GCA: variants seen among roughly 807,000 people sequenced by gnomAD.
GCA encodes grancalcin, EF-hand calcium-binding protein.
A neutral mutation model predicts 32.6 loss-of-function variants in GCA; 30 were observed. The ratio of observed to expected loss-of-function variants is 0.92; its 90% CI spans 0.69 to 1.25. The LOEUF is 1.25. GCA is among the 50% of genes most tolerant of loss of function. The pLI is 0.00. For missense variants in GCA, 291 were observed against 266.8 expected, an observed-to-expected ratio of 1.09 and a Z score of -0.63; for synonymous variants, 102 against 84.6, an observed-to-expected ratio of 1.21 and a Z score of -1.13.
chr2:162,371,859 A>C, downstream of GCA: 1 of 1,611,218 alleles, frequency 6.2e-7, no homozygotes, highest in Non-Finnish European at 8.5e-7. Context: ...GATCAGAAAC[A>C]TGCCTATGAA....
rs1685012280 is a variant in GCA at position 162,351,748 on chromosome 2, A to C, written c.193-590A>C. Among the ~76,000 whole-genome samples the C allele has an allele frequency of 2.6e-5, 4 of 152,328 alleles. No individual in the cohort carries two copies. In the South Asian group the frequency reaches 8.3e-4, roughly 32 times the overall value. On this transcript the variant is annotated intron_variant, in intron 2 of 7. Transcript: ENST00000437150. ...CAAAAACAGGATGAGGTACTAAATCATAATGAGAATACTCAACCTATTTCA... is the reference window on the plus strand; with the variant it reads ...CAAAAACAGGATGAGGTACTAAATCCTAATGAGAATACTCAACCTATTTCA...
downstream of GCA, among the ~76,000 whole-genome samples, chr2:162,374,147 A>G (rs1217838449): frequency 6.6e-6 from 1 of 152,126 alleles, no homozygotes; most frequent in Non-Finnish European, 1.5e-5. Flanking sequence ...CCTCTGTCCT[A>G]TTCATATTAA....
chr2:162,363,412 G>A (rs996039666), downstream of GCA, among the ~76,000 whole-genome samples: 3 of 151,218 alleles, frequency 2.0e-5, no homozygotes, highest in Admixed American at 2.0e-4. Context: ...AATACATAAT[G>A]CTAAAATATC....
At chr2:162,324,262 T>C (rs888664011) in intron 1 of GCA, among the ~76,000 whole-genome samples, 1 of 152,162 alleles carries the variant, frequency 6.6e-6, no homozygotes, top group African/African-American at 2.4e-5. Context: ...CTTGACTTGG[T>C]ATACTGGAAG....
chr2:162,340,378 C>T (rs1190704001), upstream of GCA, among the ~76,000 whole-genome samples: 2 of 152,152 alleles, frequency 1.3e-5, no homozygotes, highest in Non-Finnish European at 2.9e-5. Flanking sequence ...AAGGGCAAAT[C>T]CAAAACACCA....
Position 162,347,622 on chromosome 2 carries a change from G to A in GCA, c.72G>A (p.Gln24=), listed in dbSNP as rs758556537. 1.9e-6 allele frequency: 3 copies of A among 1,609,988 alleles called. No individual in the cohort carries two copies. The highest frequency in any genetic ancestry group is 1.7e-4 in the Middle Eastern group (1 of 6,038). The change falls in exon 2 of 8, where the codon CAG becomes CAA. Residue 24 remains glutamine, a synonymous_variant. Transcript: ENST00000437150. The part of the protein sequence containing the change: ...SIQVPGMQMG[Q]PVPETGPAIL... The stretch of plus-strand genomic sequence containing the variant: ...AGGTGCCAGGAATGCAGATGGGACA[G>A]CCAGTGCCAGAAACAGGCCCAGCTA...
At position 162,361,550 on chromosome 2, in the gene GCA, C is replaced by A. The variant is rs2105357714; in HGVS notation, c.*1307C>A. On this transcript the variant is annotated 3_prime_UTR_variant, in exon 8 of 8. Transcript: ENST00000437150. ...GGAGGATAGATGGCAATATCTTGAACAAAATCTTTTATAAACTTACAGAAT... is the reference window on the plus strand; with the variant it reads ...GGAGGATAGATGGCAATATCTTGAAAAAAATCTTTTATAAACTTACAGAAT... 1 of 981,702 alleles carries A rather than the reference C, an allele frequency of 1.0e-6. No homozygotes were observed. The highest frequency in any genetic ancestry group is 5.3e-4 in the Middle Eastern group (1 of 1,902). 60.8% of individuals were successfully genotyped at this position (981,702 alleles called of 1,614,324 possible).
At chr2:162,368,437 T>C (rs1685826312) in intron 4 of GCA, among the ~76,000 whole-genome samples, 1 of 151,934 alleles carries the variant, frequency 6.6e-6, no homozygotes, top group Admixed American at 6.6e-5. Context: ...ATCATGAAAG[T>C]CATTTAGAGG....
downstream of GCA, among the ~76,000 whole-genome samples, chr2:162,366,111 T>C (rs1428951955): frequency 8.6e-5 from 13 of 151,708 alleles, no homozygotes; most frequent in Admixed American, 8.6e-4. Context: ...TACCAAATTA[T>C]TTTACATCTT....
chr2:162,346,224 AC>A (rs145835004), intron 1 of GCA, among the ~76,000 whole-genome samples: 3,344 of 152,348 alleles, frequency 0.022, 126 homozygotes, highest in African/African-American at 0.076. Context: ...TAATAAAAAA[AC>A]ATTTTAAGCA....
intron 2 of GCA, among the ~76,000 whole-genome samples, chr2:162,348,886 T>C (rs1684845286): frequency 6.6e-6 from 1 of 152,102 alleles, no homozygotes; most frequent in African/African-American, 2.4e-5. Context: ...TGAGTAAATA[T>C]TCAAGATCGG....
chr2:162,367,542 A>G (rs936835426), downstream of GCA, among the ~76,000 whole-genome samples: 2 of 151,954 alleles, frequency 1.3e-5, no homozygotes, highest in Admixed American at 6.6e-5. Context: ...ATATGTTTAT[A>G]ACAAGGAGAT....
intron 2 of GCA, among the ~76,000 whole-genome samples, chr2:162,349,013 G>A (rs146909367): frequency 0.022 from 3,325 of 151,354 alleles, 126 homozygotes; most frequent in African/African-American, 0.076. Flanking sequence ...GGCACTTGCT[G>A]CAATGATTCT....
intron 5 of GCA, 80 bp from the exon 6 acceptor site, chr2:162,358,964 T>C (rs1056755149): frequency 3.1e-6 from 2 of 642,162 alleles, no homozygotes; most frequent in Non-Finnish European, 5.4e-6. Context: ...TGAAAGTTAT[T>C]TTATGACTTA....
At chr2:162,334,277 C>A (rs1293575414) in intron 1 of GCA, among the ~76,000 whole-genome samples, 1 of 150,226 alleles carries the variant, frequency 6.7e-6, no homozygotes, top group Non-Finnish European at 1.5e-5. Context: ...TTTTTTTTTG[C>A]TGGTTAACAG....
intron 1 of GCA, among the ~76,000 whole-genome samples, chr2:162,320,390 C>T (rs921240222): frequency 6.6e-6 from 1 of 152,190 alleles, no homozygotes; most frequent in East Asian, 1.9e-4. Flanking sequence ...ATACTCCTAT[C>T]CCCCAGCTGC....
chr2:162,374,774 C>T (rs1440322300), downstream of GCA, among the ~76,000 whole-genome samples: 1 of 151,896 alleles, frequency 6.6e-6, no homozygotes, highest in Admixed American at 6.6e-5. Context: ...CACAATAACA[C>T]ATTATTCTTG....
At chr2:162,352,509 T>C (rs1009551477) in intron 3 of GCA, 102 bp downstream of exon 3, 11 of 725,296 alleles carry the variant, frequency 1.5e-5, no homozygotes, top group Non-Finnish European at 2.2e-5. Flanking sequence ...ATCACAGTTA[T>C]ACATGCACAT....
intron 1 of GCA, among the ~76,000 whole-genome samples, chr2:162,332,860 C>T (rs1415962298): frequency 6.6e-6 from 1 of 151,918 alleles, no homozygotes; most frequent in Non-Finnish European, 1.5e-5. Context: ...GTGATACATC[C>T]CTAAGATGTG....
Sources: allele counts gnomAD v4.1 joint callset (sites outside exome capture counted in the v4.1 genomes callset), GRCh38; gene constraint gnomAD v4.1.1; transcripts MANE v1.5; gene names NCBI Gene and HGNC (gene_info 2026-07-23, HGNC 2026-07-21).